PPP1R21: variants seen among roughly 807,000 people sequenced by gnomAD.
PPP1R21 encodes the protein KLRAQ motif containing 1.
Under a neutral mutation model 112.8 loss-of-function variants are expected in PPP1R21, and 85 were observed. That is an observed-to-expected ratio of 0.75 (90% CI 0.63 to 0.90). PPP1R21 has a LOEUF of 0.90. PPP1R21 is among the 40% of genes least tolerant of loss of function. The pLI is 0.00. For synonymous variants in PPP1R21, 381 were observed against 322.3 expected, an observed-to-expected ratio of 1.18 and a Z score of -1.95; for missense variants, 1,199 against 901.5, an observed-to-expected ratio of 1.33 and a Z score of -4.23.
intron 16 of PPP1R21, among the ~76,000 whole-genome samples, chr2:48,497,643 A>G (rs866745241): frequency 1.5e-4 from 23 of 151,624 alleles, no homozygotes; most frequent in Middle Eastern, 3.5e-3. Context: ...GCACCAACCT[A>G]TAGTTCTATT....
In PPP1R21 at chr2:48,462,509, G is replaced by A. The variant is rs1572844094; in HGVS notation, c.694+1277G>A. Among the ~76,000 whole-genome samples the A allele has an allele frequency of 2.6e-5, 4 of 152,252 alleles. No individual in the cohort carries two copies. The South Asian group carries it at 8.3e-4, about 32-fold the overall frequency. ...CCTGGATATGTGAGCAGGTTTTATT[G>A]GGCAGAGATAAGGGTAAAATCTAAG... On this transcript the variant is annotated intron_variant, in intron 7 of 21. Transcript: ENST00000294952.
At chr2:48,502,679 T>TC (rs1324722462) in intron 17 of PPP1R21, among the ~76,000 whole-genome samples, 19 of 138,668 alleles carry the variant, frequency 1.4e-4, no homozygotes, top group African/African-American at 5.5e-4. Context: ...AACTTTTCTT[T>TC]TTTTTTTTTT....
At chr2:48,448,334 GT>G (rs1667337001) in intron 1 of PPP1R21, among the ~76,000 whole-genome samples, 1 of 152,180 alleles carries the variant, frequency 6.6e-6, no homozygotes, top group South Asian at 2.1e-4. Flanking sequence ...TAGCTTGAAA[GT>G]TTCATTTTGC....
At chr2:48,465,793 G>C in intron 9 of PPP1R21, 151 bp downstream of exon 9, 1 of 620,130 alleles carries the variant, frequency 1.6e-6, no homozygotes, top group Non-Finnish European at 2.6e-6. Context: ...ATAAAATATG[G>C]CAAAAATAGA....
chr2:48,506,458 C>G (rs1456712438), intron 18 of PPP1R21, among the ~76,000 whole-genome samples: 1 of 152,150 alleles, frequency 6.6e-6, no homozygotes, highest in African/African-American at 2.4e-5. Flanking sequence ...CTCAGTATGG[C>G]AAACTGGTTA....
intron 6 of PPP1R21, among the ~76,000 whole-genome samples, chr2:48,460,378 A>T (rs192804394): frequency 1.3e-5 from 2 of 152,186 alleles, no homozygotes; most frequent in African/African-American, 4.8e-5. Context: ...GCTGTGGCAG[A>T]TCGTGTTCTG....
chr2:48,450,559 C>T (rs1348201705), intron 1 of PPP1R21, among the ~76,000 whole-genome samples: 1 of 152,122 alleles, frequency 6.6e-6, no homozygotes, highest in Non-Finnish European at 1.5e-5. Flanking sequence ...TGTTGATGCC[C>T]CACATTTTTA....
chr2:48,495,290 G>A (rs995857404), intron 15 of PPP1R21, among the ~76,000 whole-genome samples: 12 of 151,762 alleles, frequency 7.9e-5, no homozygotes, highest in African/African-American at 1.5e-4. Context: ...TGCAACCTCC[G>A]CCTCCCAGGT....
chr2:48,512,722 G>A (rs1015639954), intron 21 of PPP1R21, among the ~76,000 whole-genome samples: 1 of 152,060 alleles, frequency 6.6e-6, no homozygotes, highest in Non-Finnish European at 1.5e-5. Flanking sequence ...ATGCTTTTCT[G>A]GGCTGTTTCT....
chr2:48,497,824 TG>T (rs1669916072), intron 16 of PPP1R21, among the ~76,000 whole-genome samples: 2 of 151,980 alleles, frequency 1.3e-5, no homozygotes, highest in Non-Finnish European at 2.9e-5. Context: ...GCTAATTTTT[TG>T]TATTTTTAAT....
At chr2:48,469,274 T>G in intron 9 of PPP1R21, among the ~76,000 whole-genome samples, 1 of 37,348 alleles carries the variant, frequency 2.7e-5, no homozygotes, top group African/African-American at 9.6e-5. Flanking sequence ...TGTGTGTGTG[T>G]GTGTGTGTGT....
At chr2:48,451,512 T>C (rs554670118) in intron 2 of PPP1R21, among the ~76,000 whole-genome samples, 10 of 152,312 alleles carry the variant, frequency 6.6e-5, no homozygotes, top group African/African-American at 2.2e-4. Context: ...ATCTTGCCTT[T>C]AGTTGAGTTA....
In PPP1R21 at chr2:48,457,779, A is replaced by T. The variant is rs187012647; in HGVS notation, c.274-347A>T. On this transcript the variant is annotated intron_variant, in intron 3 of 21. Transcript: ENST00000294952. ...TAACTCTCATTTCCCAAACCAAAAG[A>T]TCAAATTGAAATGATATTTATGAGC... Among the ~76,000 whole-genome samples, 392 of 152,320 alleles carry T rather than the reference A, an allele frequency of 2.6e-3. 2 individuals carry two copies. Among genetic ancestry groups the T allele is most frequent in the African/African-American group, 9.0e-3 (376 of 41,576 alleles).
chr2:48,454,157 AG>A (rs1295331406), intron 2 of PPP1R21, among the ~76,000 whole-genome samples: 1 of 152,152 alleles, frequency 6.6e-6, no homozygotes, highest in Non-Finnish European at 1.5e-5. Flanking sequence ...GCCACTCGGG[AG>A]GCTGAGGCAT....
In PPP1R21 at chr2:48,474,847, A is replaced by G. The variant is rs191604011; in HGVS notation, c.1225+28A>G. 3.6e-5 allele frequency: 58 copies of G among 1,600,414 alleles called. No homozygotes were observed. In the African/African-American group the frequency reaches 7.0e-4, roughly 19 times the overall value. ...AAGTATGTTTGTTGCTTAGGGGTCA[A>G]CTTCAAGGACTTAAGAGTACAAGAA... is the stretch of plus-strand genomic sequence containing the variant. On this transcript the variant is annotated intron_variant, in intron 12 of 21. Transcript: ENST00000294952.
chr2:48,466,903 C>T (rs1002116849), intron 9 of PPP1R21, among the ~76,000 whole-genome samples: 1 of 152,132 alleles, frequency 6.6e-6, no homozygotes, highest in Non-Finnish European at 1.5e-5. Context: ...TTCTAAAAGG[C>T]CCCTAAGGGC....
intron 17 of PPP1R21, among the ~76,000 whole-genome samples, chr2:48,504,846 C>T (rs1670301030): frequency 6.6e-6 from 1 of 152,026 alleles, no homozygotes; most frequent in South Asian, 2.1e-4. Flanking sequence ...AATCTAGCAG[C>T]AGCCAGGCAT....
intron 14 of PPP1R21, among the ~76,000 whole-genome samples, chr2:48,490,648 A>T (rs571264955): frequency 4.2e-4 from 64 of 152,364 alleles, no homozygotes; most frequent in African/African-American, 1.4e-3. Flanking sequence ...TCAAAGTTAA[A>T]ATATGGAATC....
At chr2:48,462,268 G>T (rs1668008762) in intron 7 of PPP1R21, among the ~76,000 whole-genome samples, 1 of 152,154 alleles carries the variant, frequency 6.6e-6, no homozygotes, top group Non-Finnish European at 1.5e-5. Context: ...TGAGTGCCTA[G>T]ACAGGTCAGT....
Sources: gnomAD v4.1 joint callset for allele counts (sites outside exome capture counted in the v4.1 genomes callset) on GRCh38, gnomAD v4.1.1 for gene constraint, MANE v1.5 for transcripts, NCBI Gene and HGNC (gene_info 2026-07-23, HGNC 2026-07-21) for gene names.